The following TPR variants were observed in gnomAD, a reference collection of about 807,000 sequenced individuals.
TPR encodes the protein translocated promoter region, nuclear basket protein, also known as nucleoprotein TPR.
A neutral mutation model predicts 316.1 loss-of-function variants in TPR; 51 were observed. The observed-to-expected ratio is 0.16, with a 90% CI of 0.13 to 0.20. The LOEUF (loss-of-function observed/expected upper bound fraction) is 0.20, where lower values mean the gene tolerates loss of function less well. TPR is among the 10% of genes least tolerant of loss of function. TPR has a pLI of 1.00. For synonymous variants in TPR, 981 were observed against 914.7 expected (o/e 1.07, Z -1.31); for missense variants, 2,272 against 2,754.8 (o/e 0.82, Z 3.92).
intron 39 of TPR, among the ~76,000 whole-genome samples, chr1:186,329,788 G>A (rs905279695): frequency 1.3e-5 from 2 of 152,072 alleles, no homozygotes; most frequent in African/African-American, 2.4e-5. Context: ...ATTTACTTGC[G>A]ATATGGCTAT....
chr1:186,332,517 T>C (rs1320755881), intron 37 of TPR, among the ~76,000 whole-genome samples, 174 bp from the exon 38 acceptor site: 1 of 152,142 alleles, frequency 6.6e-6, no homozygotes, highest in East Asian at 1.9e-4. Flanking sequence ...CATAATTTGT[T>C]TCTGCTAAGC....
intron 18 of TPR, among the ~76,000 whole-genome samples, chr1:186,352,749 G>C (rs541526095): frequency 1.3e-3 from 198 of 152,100 alleles, no homozygotes; most frequent in Non-Finnish European, 2.3e-3. Context: ...AGCCTTATAA[G>C]AGCATTATAA....
intron 33 of TPR, 62 bp from the exon 34 acceptor site, chr1:186,335,605 GCAC>G: frequency 7.4e-7 from 1 of 1,344,940 alleles, no homozygotes; most frequent in Non-Finnish European, 1.0e-6. Context: ...CAGCATTTAT[GCAC>G]TTAATTGGCA....
In TPR at chr1:186,370,735, T is replaced by C. The variant is rs540838824; in HGVS notation, c.330+235A>G. On this transcript the variant is annotated intron_variant, in intron 3 of 50. Transcript: ENST00000367478. ...ACTGTATCACATTTGATATAATACCTGGACTACAGTCAGCATTCAATAGAT... is the reference window on the plus strand; with the variant it reads ...ACTGTATCACATTTGATATAATACCCGGACTACAGTCAGCATTCAATAGAT... 1.1e-4 allele frequency among the ~76,000 whole-genome samples: 16 copies of C among 152,244 alleles called. No homozygotes were observed. The South Asian group carries it at 2.9e-3, about 28-fold the overall frequency.
intron 3 of TPR, among the ~76,000 whole-genome samples, chr1:186,369,409 C>T (rs1205538731): frequency 6.6e-6 from 1 of 151,980 alleles, no homozygotes; most frequent in Admixed American, 6.5e-5. Flanking sequence ...CCATTATTTG[C>T]ATCTTCAATT....
At chr1:186,365,212 C>T (rs1426574193) in intron 4 of TPR, among the ~76,000 whole-genome samples, 1 of 150,982 alleles carries the variant, frequency 6.6e-6, no homozygotes, top group Non-Finnish European at 1.5e-5. Flanking sequence ...TCTCATGACT[C>T]AGCCTCCTGA....
chr1:186,352,128 T>A lies in TPR; in HGVS notation c.2335-18A>T. On this transcript the variant is annotated intron_variant, in intron 18 of 50. Coordinates refer to ENST00000367478, the MANE Select transcript of TPR (RefSeq NM_003292.3). ...GCTCTTACCTAAACATAAGTAGAAA[T>A]GAAATAAAAAATGCTGAAAAACATG... The A allele has an allele frequency of 6.4e-7, 1 of 1,573,250 alleles. No homozygotes were observed. Among genetic ancestry groups the A allele is most frequent in the Admixed American group, 2.0e-5 (1 of 48,900 alleles).
chr1:186,347,781 G>A (rs1658726852), intron 21 of TPR, among the ~76,000 whole-genome samples: 1 of 152,138 alleles, frequency 6.6e-6, no homozygotes, highest in African/African-American at 2.4e-5. Flanking sequence ...AAATGTTACG[G>A]GAAGTCAGGG....
intron 37 of TPR, 128 bp downstream of exon 37, chr1:186,332,994 T>C (rs768854702): frequency 1.2e-5 from 13 of 1,125,448 alleles, no homozygotes; most frequent in Non-Finnish European, 1.6e-5. Context: ...ATCCAAGATA[T>C]TATAATTGCG....
At chr1:186,330,000 T>C (rs558592771) in intron 39 of TPR, among the ~76,000 whole-genome samples, 3 of 152,082 alleles carry the variant, frequency 2.0e-5, no homozygotes, top group African/African-American at 7.2e-5. Flanking sequence ...TCTGTAACTA[T>C]GAGGTATAAT....
At chr1:186,353,913 A>T (rs1658947240) in intron 17 of TPR, 63 bp from the exon 18 acceptor site, 1 of 1,493,212 alleles carries the variant, frequency 6.7e-7, no homozygotes, top group African/African-American at 1.4e-5. Context: ...TCCCTTGAAG[A>T]AATTTCACAA....
At position 186,353,877 on chromosome 1, in the gene TPR, G is replaced by C. The variant is rs764758729; in HGVS notation, c.2172-27C>G. ...TGGTATGAAAAAAGTAATTCTACAA[G>C]TAACTGAAATGATATCCTAGCTTAA... On this transcript the variant is annotated intron_variant, in intron 17 of 50. Transcript: ENST00000367478. 10 of 1,602,516 alleles carry C rather than the reference G, an allele frequency of 6.2e-6. No homozygotes were observed. The Admixed American group carries it at 1.7e-4, about 27-fold the overall frequency.
chr1:186,325,986 G>C (rs1571603121), intron 41 of TPR, 118 bp downstream of exon 41: 1 of 1,555,236 alleles, frequency 6.4e-7, no homozygotes, highest in Middle Eastern at 1.7e-4. Flanking sequence ...CAAAACAAAT[G>C]AACAAAACAA....
chr1:186,313,959 T>C lies in TPR; in HGVS notation c.*12A>G. ...ATAATCTTATTCACAGTTGTTATTGTTTACAGACCATTTAATTAATATTTC... is the reference window on the plus strand; with the variant it reads ...ATAATCTTATTCACAGTTGTTATTGCTTACAGACCATTTAATTAATATTTC... On this transcript the variant is annotated 3_prime_UTR_variant, in exon 51 of 51. Coordinates refer to ENST00000367478, the MANE Select transcript of TPR (RefSeq NM_003292.3). The C allele has an allele frequency of 1.2e-6, 2 of 1,611,180 alleles. No individual in the cohort carries two copies. The highest frequency in any genetic ancestry group is 1.7e-4 in the Middle Eastern group (1 of 6,048).
rs764074601 is a variant in TPR, at chr1:186,312,743, T to A, written c.*1228A>T. 4 of 1,609,180 alleles carry A rather than the reference T, an allele frequency of 2.5e-6. No individual in the cohort carries two copies. The highest frequency in any genetic ancestry group is 2.6e-6 in the Non-Finnish European group (3 of 1,175,648). On this transcript the variant is annotated 3_prime_UTR_variant, in exon 51 of 51. Transcript: ENST00000367478. ...TAGTACATTGCCTTTTAATCTGGTA[T>A]CTTTTATTAAACATGCCACTTACAG... is the stretch of plus-strand genomic sequence containing the variant.
rs1267959508 is a variant in TPR, at chr1:186,355,781, A to ATT, written c.1889-14_1889-13insAA. The ATT allele has an allele frequency of 1.2e-6, 2 of 1,611,240 alleles. No homozygotes were observed. The highest frequency in any genetic ancestry group is 2.7e-5 in the African/African-American group (2 of 74,716). The stretch of plus-strand genomic sequence containing the variant: ...TCTAAGCTTGAAGCTTCAGGAAAGT[A>ATT]AAGACTAATAAAATGCTTTGTTGGC... On this transcript the variant is annotated splice_polypyrimidine_tract_variant and intron_variant, in intron 15 of 50. Coordinates refer to ENST00000367478, the MANE Select transcript of TPR (RefSeq NM_003292.3).
In TPR at chr1:186,332,222, C is replaced by G; in HGVS notation, c.5577G>C (p.Leu1859Phe). The change falls in exon 38 of 51, where the codon TTG (leucine) becomes TTC (phenylalanine). Residue 1859 changes from leucine to phenylalanine, a missense_variant. Around this residue, in one of 10 missense-constraint regions of TPR, gnomAD observed 435 missense variants for 461.1 expected, o/e 0.94. Transcript: ENST00000367478. ...DTVEMPLPKK[L>F]KSVTPVGTEE... is the part of the protein sequence containing the mutation. Reference sequence around the variant, plus strand: ...CAGTTCCTACAGGTGTGACACTTTTCAACTTCTTTGGAAGAGGCATTTCCA... The same window carrying G: ...CAGTTCCTACAGGTGTGACACTTTTGAACTTCTTTGGAAGAGGCATTTCCA... 6.2e-7 allele frequency: 1 copy of G among 1,611,616 alleles called. No individual in the cohort carries two copies. The highest frequency in any genetic ancestry group is 8.5e-7 in the Non-Finnish European group (1 of 1,179,056).
At chr1:186,342,366 G>A (rs1052700847) in intron 27 of TPR, 3 of 152,206 alleles carry the variant, frequency 2.0e-5, no homozygotes, top group Middle Eastern at 6.8e-3. Flanking sequence ...ATTCGTAGGC[G>A]GGCATTTTCT....
At position 186,326,142 on chromosome 1, in the gene TPR, CACT is replaced by C; in HGVS notation, c.5980_5982del (p.Ser1994del). Reference sequence around the variant, plus strand: ...GCTTCATAACCATCATTGCCATCGGCACTACCAGTTCCTTCATTACTATCTTCA... The same window carrying C: ...GCTTCATAACCATCATTGCCATCGGCACCAGTTCCTTCATTACTATCTTCA... On this transcript the variant is annotated inframe_deletion, in exon 41 of 51. Coordinates refer to ENST00000367478, the MANE Select transcript of TPR (RefSeq NM_003292.3). 1.9e-6 allele frequency: 3 copies of C among 1,613,238 alleles called. No individual in the cohort carries two copies. The highest frequency in any genetic ancestry group is 1.7e-6 in the Non-Finnish European group (2 of 1,179,288).
Sources: allele counts gnomAD v4.1 joint callset (sites outside exome capture counted in the v4.1 genomes callset), GRCh38; gene constraint gnomAD v4.1.1; regional missense constraint gnomAD v4.1.1; transcripts MANE v1.5; gene names NCBI Gene and HGNC (gene_info 2026-07-23, HGNC 2026-07-21).